The following MARK1 variants were observed in gnomAD, a reference collection of about 807,000 sequenced individuals.
MARK1 encodes microtubule affinity regulating kinase 1, also known as serine/threonine-protein kinase MARK1.
Under a neutral mutation model 96.3 loss-of-function variants are expected in MARK1, and 40 were observed. The ratio of observed to expected loss-of-function variants is 0.42; its 90% confidence interval spans 0.32 to 0.54. MARK1 has a LOEUF of 0.54. MARK1 is among the 20% of genes least tolerant of loss of function. The pLI, the probability that MARK1 is intolerant of heterozygous loss-of-function variation, is 0.16. For missense variants in MARK1, 719 were observed against 984.6 expected (o/e 0.73, Z 3.61); for synonymous variants, 317 against 341.2 (o/e 0.93, Z 0.78).
intron 1 of MARK1, among the ~76,000 whole-genome samples, chr1:220,542,167 C>A (rs1298775911): frequency 6.6e-6 from 1 of 152,116 alleles, no homozygotes; most frequent in African/African-American, 2.4e-5. Flanking sequence ...TAAGATTTTT[C>A]TCTTAAGCTT....
At chr1:220,589,034 G>A (rs1664822154) in intron 3 of MARK1, among the ~76,000 whole-genome samples, 1 of 152,194 alleles carries the variant, frequency 6.6e-6, no homozygotes, top group Non-Finnish European at 1.5e-5. Flanking sequence ...CTGTGACTCT[G>A]AAGACAGCCT....
At chr1:220,603,315 A>T (rs1417885593) in intron 5 of MARK1, among the ~76,000 whole-genome samples, 1 of 152,056 alleles carries the variant, frequency 6.6e-6, no homozygotes, top group Non-Finnish European at 1.5e-5. Context: ...AGACATGTAA[A>T]GTAATGGATC....
At position 220,635,461 on chromosome 1, in the gene MARK1, C is replaced by G; in HGVS notation, c.1208C>G (p.Ser403Cys). The G allele has an allele frequency of 6.2e-7, 1 of 1,613,434 alleles. No homozygotes were observed. Residue 403 changes from serine to cysteine, a missense_variant, in exon 12 of 18, where the codon TCC becomes TGC. Ser to Cys is a moderately radical substitution (Grantham distance 112, BLOSUM62 -1). Coordinates refer to ENST00000366917, the MANE Select transcript of MARK1 (RefSeq NM_018650.5). ...GACTTAAACAACAGCACTCTTCAGT[C>G]CCCTGCTCACCTGAAGGTCCAGAGA... is the stretch of plus-strand genomic sequence containing the variant. ...SSDLNNSTLQSPAHLKVQRSI... is the reference protein window; with the variant it reads ...SSDLNNSTLQCPAHLKVQRSI...
chr1:220,580,252 G>A (rs1231050241), intron 2 of MARK1, among the ~76,000 whole-genome samples: 1 of 152,058 alleles, frequency 6.6e-6, no homozygotes, highest in Non-Finnish European at 1.5e-5. Context: ...GGAGGCTGAA[G>A]TGGGCATAAT....
intron 6 of MARK1, among the ~76,000 whole-genome samples, chr1:220,604,406 G>A (rs1432347141): frequency 4.6e-5 from 7 of 151,934 alleles, no homozygotes; most frequent in East Asian, 1.9e-4. Flanking sequence ...TCCTGGAAAC[G>A]TAGACTAGAC....
chr1:220,561,524 G>T (rs947536845), intron 1 of MARK1, among the ~76,000 whole-genome samples: 1 of 151,838 alleles, frequency 6.6e-6, no homozygotes, highest in African/African-American at 2.4e-5. Context: ...TTACTTAGAG[G>T]GATACATGAA....
In MARK1 at chr1:220,528,284, G is replaced by C. The variant is rs901583274; in HGVS notation, c.-539G>C. On this transcript the variant is annotated 5_prime_UTR_variant, in exon 1 of 18. Transcript: ENST00000366917. ...ACCGAGCCGAGACATTCGCGCCGGG[G>C]GATCGGGCGCCGCCGCCGCTGGGCC... is the stretch of plus-strand genomic sequence containing the variant. The C allele has an allele frequency of 1.3e-5, 2 of 151,340 alleles. No individual in the cohort carries two copies. The highest frequency in any genetic ancestry group is 2.4e-5 in the African/African-American group (1 of 41,350). 9.4% of individuals were successfully genotyped at this position (151,340 alleles called of 1,614,324 possible).
chr1:220,622,956 T>G lies in MARK1; in HGVS notation c.909+4201T>G, dbSNP rs547617738. Among the ~76,000 whole-genome samples, 3 of 152,350 alleles carry G rather than the reference T, an allele frequency of 2.0e-5. No homozygotes were observed. In the South Asian group the frequency reaches 6.2e-4, roughly 32 times the overall value. Reference sequence around the variant, plus strand: ...TATTTCCCATAGCTGGTTTAATTCTTTAATTCGTCTGAATTAATTATTTTG... The same window carrying G: ...TATTTCCCATAGCTGGTTTAATTCTGTAATTCGTCTGAATTAATTATTTTG... On this transcript the variant is annotated intron_variant, in intron 9 of 17. Transcript: ENST00000366917.
In MARK1 at chr1:220,564,915, A is replaced by G. The variant is rs891423359; in HGVS notation, c.52-14439A>G. 2.0e-5 allele frequency among the ~76,000 whole-genome samples: 3 copies of G among 152,076 alleles called. No homozygotes were observed. The East Asian group carries it at 5.8e-4, about 29-fold the overall frequency. On this transcript the variant is annotated intron_variant, in intron 1 of 17. Coordinates refer to ENST00000366917, the MANE Select transcript of MARK1 (RefSeq NM_018650.5). ...TACCAAAGAAGAAGTATCCAATATA[A>G]TTTCCTCTTTATTATCATTATTCTC...
At chr1:220,605,669 C>T (rs1666028201) in intron 6 of MARK1, among the ~76,000 whole-genome samples, 1 of 150,752 alleles carries the variant, frequency 6.6e-6, no homozygotes, top group Admixed American at 6.6e-5. Flanking sequence ...CCCCCAGCCC[C>T]CCACCCCACG....
chr1:220,652,970 C>G (rs1221468070), intron 15 of MARK1, 131 bp from the exon 16 acceptor site: 2 of 998,708 alleles, frequency 2.0e-6, no homozygotes, highest in East Asian at 5.1e-5. Context: ...ACCCATGTCT[C>G]ACATCTCTAA....
At chr1:220,558,406 T>C (rs1293161841) in intron 1 of MARK1, among the ~76,000 whole-genome samples, 2 of 150,824 alleles carry the variant, frequency 1.3e-5, no homozygotes, top group East Asian at 3.9e-4. Context: ...AATCAGAAAA[T>C]AAATATAAAA....
chr1:220,615,882 T>C, intron 6 of MARK1, 57 bp from the exon 7 acceptor site: 2 of 868,286 alleles, frequency 2.3e-6, no homozygotes. Flanking sequence ...AGGTGATTAT[T>C]GGGGAAAATT....
intron 3 of MARK1, among the ~76,000 whole-genome samples, chr1:220,588,694 A>T (rs954382526): frequency 2.0e-5 from 3 of 152,178 alleles, no homozygotes; most frequent in Admixed American, 1.3e-4. Context: ...AAAAGCTGAA[A>T]GTTTAATCTG....
chr1:220,567,676 A>G (rs1663150512), intron 1 of MARK1, among the ~76,000 whole-genome samples: 1 of 152,156 alleles, frequency 6.6e-6, no homozygotes, highest in African/African-American at 2.4e-5. Flanking sequence ...AGGTTCTGGT[A>G]TTGAGAATGT....
chr1:220,608,751 T>C (rs529059408), intron 6 of MARK1, among the ~76,000 whole-genome samples: 3 of 152,350 alleles, frequency 2.0e-5, no homozygotes, highest in African/African-American at 7.2e-5. Flanking sequence ...TTCTGGTATG[T>C]TGTGTCTTTG....
intron 9 of MARK1, among the ~76,000 whole-genome samples, chr1:220,622,908 T>C (rs1245832466): frequency 6.6e-6 from 1 of 152,128 alleles, no homozygotes; most frequent in Non-Finnish European, 1.5e-5. Context: ...ATAAAATAAA[T>C]GTGCATCTAA....
rs749814836 is a variant in MARK1 at position 220,657,823 on chromosome 1, C to T, written c.2022C>T (p.Thr674=). The T allele has an allele frequency of 7.6e-6, 12 of 1,570,948 alleles. No homozygotes were observed. Among genetic ancestry groups the T allele is most frequent in the East Asian group, 2.4e-5 (1 of 42,232 alleles). ...DPSEGEASGR[T]DTSRSTSGEP... ...GTGAAGGCGAAGCCAGTGGCAGAAC[C>T]GACACCTCAAGGTGAGGAGCCACTA... Residue 674 remains threonine (T), a synonymous_variant, in exon 17 of 18, where the codon ACC becomes ACT. Coordinates refer to ENST00000366917, the MANE Select transcript of MARK1 (RefSeq NM_018650.5).
intron 1 of MARK1, among the ~76,000 whole-genome samples, chr1:220,552,512 T>A (rs553966926): frequency 6.6e-6 from 1 of 152,288 alleles, no homozygotes; most frequent in Admixed American, 6.5e-5. Context: ...GACAGCTGCT[T>A]CAGAGTATTG....
Sources: allele counts gnomAD v4.1 joint callset (sites outside exome capture counted in the v4.1 genomes callset), GRCh38; gene constraint gnomAD v4.1.1; transcripts MANE v1.5; gene names NCBI Gene and HGNC (gene_info 2026-07-23, HGNC 2026-07-21).